The following SLC5A10 variants were observed in gnomAD, a reference collection of about 807,000 sequenced individuals.
The protein encoded by SLC5A10 is solute carrier family 5 member 10.
Under a neutral mutation model 68.9 loss-of-function variants are expected in SLC5A10, and 55 were observed. The ratio of observed to expected loss-of-function variants is 0.80; its 90% CI spans 0.64 to 1.00. The LOEUF is 1.00. SLC5A10 is among the 50% of genes least tolerant of loss of function. The pLI is 0.00. For synonymous variants in SLC5A10, 344 were observed against 344.8 expected, an observed-to-expected ratio of 1.00 and a Z score of 0.02; for missense variants, 732 against 819.3, an observed-to-expected ratio of 0.89 and a Z score of 1.30.
rs754390288 is a variant in SLC5A10, at chr17:19,015,160, G to A, written c.1202G>A (p.Arg401His). ...ACTATGGACATCTGGAGGCGGCTGCGTCCCCGCTCCGGCGAGCGGGAGCTC... is the reference window on the plus strand; with the variant it reads ...ACTATGGACATCTGGAGGCGGCTGCATCCCCGCTCCGGCGAGCGGGAGCTC... ...LFTMDIWRRLRPRSGERELLL... is the reference protein window; with the variant it reads ...LFTMDIWRRLHPRSGERELLL... Residue 401 changes from arginine to histidine, a missense_variant, in exon 11 of 15, where the codon CGT becomes CAT. Transcript: ENST00000395645. The A allele has an allele frequency of 9.3e-6, 15 of 1,613,170 alleles. No individual in the cohort carries two copies. The East Asian group carries it at 1.3e-4, about 14-fold the overall frequency.
intron 9 of SLC5A10, among the ~76,000 whole-genome samples, chr17:19,007,286 T>A (rs1248810145): frequency 6.6e-6 from 1 of 152,072 alleles, no homozygotes; most frequent in Non-Finnish European, 1.5e-5. Context: ...TCATTGAATC[T>A]CTTTTCATGG....
intron 9 of SLC5A10, among the ~76,000 whole-genome samples, chr17:19,012,284 A>G (rs887165806): frequency 3.9e-5 from 6 of 152,348 alleles, no homozygotes; most frequent in African/African-American, 1.4e-4. Flanking sequence ...CCTCAGGGCT[A>G]TGGAGGTAGG....
intron 11 of SLC5A10, 104 bp downstream of exon 11, chr17:19,015,303 G>T: frequency 1.2e-6 from 1 of 814,960 alleles, no homozygotes; most frequent in South Asian, 1.8e-5. Flanking sequence ...GAGAAAGGTG[G>T]ATGCCAGGAA....
chr17:18,977,801 A>T, intron 9 of SLC5A10: 1 of 1,602,526 alleles, frequency 6.2e-7, no homozygotes. Flanking sequence ...GTGCTCTCTC[A>T]CCTCGAAGTA....
chr17:19,015,311 G>C lies in SLC5A10; in HGVS notation c.1241+112G>C, dbSNP rs1469050530. 3 of 743,606 alleles carry C rather than the reference G, an allele frequency of 4.0e-6. No homozygotes were observed. The Admixed American group carries it at 8.2e-5, about 20-fold the overall frequency. The allele number at this position is 743,606 out of a possible 1,614,324, so 46.1% of individuals were successfully genotyped here. On this transcript the variant is annotated intron_variant, in intron 11 of 14. Coordinates refer to ENST00000395645, the MANE Select transcript of SLC5A10 (RefSeq NM_001042450.4). ...CCACTTAGAGAAAGGTGGATGCCAG[G>C]AAGGAGGGAAGAGAAGGGCCAGTGT...
At chr17:18,969,925 CT>C (rs1394750012) in intron 7 of SLC5A10, 1 of 153,776 alleles carries the variant, frequency 6.5e-6, no homozygotes, top group African/African-American at 2.4e-5. Context: ...ACTCACAGGG[CT>C]GCCCGGAGAG....
chr17:18,975,306 C>T (rs559709349), intron 8 of SLC5A10, among the ~76,000 whole-genome samples: 2 of 152,310 alleles, frequency 1.3e-5, no homozygotes, highest in African/African-American at 4.8e-5. Flanking sequence ...CATTCCTAGC[C>T]TCTGTAATTA....
chr17:19,016,077 G>A (rs754741291), intron 11 of SLC5A10, among the ~76,000 whole-genome samples: 2 of 149,394 alleles, frequency 1.3e-5, no homozygotes, highest in African/African-American at 2.5e-5. Flanking sequence ...AGACAGTCTC[G>A]TTTTGTCACC....
Position 18,958,676 on chromosome 17 carries a change from T to C in SLC5A10, c.112-6T>C. On this transcript the variant is annotated splice_polypyrimidine_tract_variant and splice_region_variant and intron_variant, in intron 1 of 14. Coordinates refer to ENST00000395645, the MANE Select transcript of SLC5A10 (RefSeq NM_001042450.4). ...TCCAACTCCTGTCCCTTTTCTCCTC[T>C]TGCAGTCCTCTTGTCGGGCCAGTAG... 6.2e-7 allele frequency: 1 copy of C among 1,614,172 alleles called. No individual in the cohort carries two copies. Among genetic ancestry groups the C allele is most frequent in the South Asian group, 1.1e-5 (1 of 91,080 alleles).
intron 9 of SLC5A10, among the ~76,000 whole-genome samples, chr17:18,998,369 T>A (rs2043621827): frequency 6.6e-6 from 1 of 152,172 alleles, no homozygotes; most frequent in African/African-American, 2.4e-5. Context: ...GGACCAGCAC[T>A]CTCTGCTGGC....
rs564925037 is a variant in SLC5A10 at position 18,953,277 on chromosome 17, C to T, written c.111+961C>T. Among the ~76,000 whole-genome samples the T allele has an allele frequency of 2.0e-5, 3 of 152,036 alleles. No individual in the cohort carries two copies. The East Asian group carries it at 5.8e-4, about 29-fold the overall frequency. ...CCTCCTGAGTAGCTGGGATTACAGG[C>T]GTCCACTACCACACCCAGGTAATGT... On this transcript the variant is annotated intron_variant, in intron 1 of 14. Transcript: ENST00000395645.
intron 9 of SLC5A10, chr17:18,978,759 G>A (rs764584969): frequency 2.5e-6 from 4 of 1,612,854 alleles, no homozygotes; most frequent in Non-Finnish European, 3.4e-6. Context: ...ATGAGGTACA[G>A]CTCCTGGAAC....
chr17:19,011,147 G>A lies in SLC5A10; in HGVS notation c.983-2263G>A, dbSNP rs62072662. Among the ~76,000 whole-genome samples, 1,155 of 152,324 alleles carry A rather than the reference G, an allele frequency of 7.6e-3. 9 individuals are homozygous for A. Among genetic ancestry groups the A allele is most frequent in the Non-Finnish European group, 0.012 (826 of 68,028 alleles). ...GGGAGCCTCCGTCCTGGTGGGGAAG[G>A]TAGACTATGTAAACAAACAACTGTG... On this transcript the variant is annotated intron_variant, in intron 9 of 14. Transcript: ENST00000395645.
At position 18,952,384 on chromosome 17, in the gene SLC5A10, G is replaced by A. The variant is rs1450300617; in HGVS notation, c.111+68G>A. The A allele has an allele frequency of 3.3e-6, 5 of 1,528,834 alleles. No individual in the cohort carries two copies. In the African/African-American group the frequency reaches 4.1e-5, roughly 13 times the overall value. 94.7% of individuals were successfully genotyped at this position (1,528,834 alleles called of 1,614,324 possible). A position where few individuals can be genotyped will look rare whatever the true frequency, so the allele number is the denominator to read the frequency against. On this transcript the variant is annotated intron_variant, in intron 1 of 14. Transcript: ENST00000395645. ...GTTGGTGCTTGGGGTGGGAACCGGG[G>A]TCCAGCATGTCCCTGTGGTGTCAGC...
At chr17:19,007,644 T>C (rs1195238657) in intron 9 of SLC5A10, among the ~76,000 whole-genome samples, 1 of 152,192 alleles carries the variant, frequency 6.6e-6, no homozygotes, top group Non-Finnish European at 1.5e-5. Flanking sequence ...CAAAAGTTCT[T>C]TATATATTCT....
chr17:18,965,067 C>G (rs2042682662), intron 5 of SLC5A10, among the ~76,000 whole-genome samples: 2 of 145,050 alleles, frequency 1.4e-5, no homozygotes, highest in African/African-American at 2.6e-5. Flanking sequence ...TCGCTTGAAC[C>G]CAGGAGGCAG....
intron 8 of SLC5A10, among the ~76,000 whole-genome samples, chr17:18,972,612 C>T (rs1235212577): frequency 6.6e-6 from 1 of 152,180 alleles, no homozygotes; most frequent in Non-Finnish European, 1.5e-5. Context: ...CCTGTAATCC[C>T]AGCACTTTGG....
intron 3 of SLC5A10, 78 bp from the exon 4 acceptor site, chr17:18,959,526 C>G: frequency 6.7e-7 from 1 of 1,502,256 alleles, no homozygotes. Flanking sequence ...ATGGCTCATC[C>G]CAGCCATGTC....
intron 1 of SLC5A10, chr17:18,953,572 C>G (rs915005191): frequency 2.0e-5 from 3 of 152,642 alleles, no homozygotes; most frequent in African/African-American, 4.8e-5. Flanking sequence ...GGGGTGAGGT[C>G]TGCTATCAAG....
Sources: gnomAD v4.1 joint callset for allele counts (sites outside exome capture counted in the v4.1 genomes callset) on GRCh38, gnomAD v4.1.1 for gene constraint, MANE v1.5 for transcripts, NCBI Gene and HGNC (gene_info 2026-07-23, HGNC 2026-07-21) for gene names.